RORA: variants seen among roughly 807,000 people sequenced by gnomAD.
The protein encoded by RORA is RAR related orphan receptor A.
RORA carries 7 observed loss-of-function variants against 69.5 expected under a neutral mutation model. The ratio of observed to expected loss-of-function variants is 0.10; its 90% confidence interval spans 0.06 to 0.19. The LOEUF (loss-of-function observed/expected upper bound fraction) is 0.19. Ranked by LOEUF, RORA falls within the 10% of genes least tolerant of loss-of-function variation. The pLI, the probability that RORA is intolerant of heterozygous loss-of-function variation, is 1.00. For missense variants in RORA, 457 were observed against 663.0 expected (o/e 0.69, Z 3.41); for synonymous variants, 261 against 240.8 (o/e 1.08, Z -0.78).
chr15:60,964,965 T>C (rs1028317843), intron 1 of RORA, among the ~76,000 whole-genome samples: 2 of 152,172 alleles, frequency 1.3e-5, no homozygotes, highest in African/African-American at 4.8e-5. Context: ...AATTACGCCA[T>C]ACTAATTATG....
intron 1 of RORA, among the ~76,000 whole-genome samples, chr15:60,825,537 C>G (rs2072944497): frequency 6.6e-6 from 1 of 152,158 alleles, no homozygotes; most frequent in South Asian, 2.1e-4. Context: ...GTCCCAAGGT[C>G]AAGAACCAGA....
At chr15:60,840,584 A>G (rs1191015051) in intron 1 of RORA, among the ~76,000 whole-genome samples, 1 of 152,228 alleles carries the variant, frequency 6.6e-6, no homozygotes, top group African/African-American at 2.4e-5. Flanking sequence ...GAAAAGAATC[A>G]AGAGAGTGAG....
chr15:60,991,543 A>G lies in RORA; in HGVS notation c.166+237510T>C, dbSNP rs112934401. ...AATTCTAAGAGTTTTTGTTAAAAAA[A>G]TGGCTCAAAAGATGAAAAAAGTTTA... On this transcript the variant is annotated intron_variant, in intron 1 of 10. Transcript: ENST00000335670. Among the ~76,000 whole-genome samples the G allele has an allele frequency of 6.6e-3, 871 of 132,086 alleles. 7 individuals carry two copies. Among genetic ancestry groups the G allele is most frequent in the African/African-American group, 0.024 (795 of 33,204 alleles). The allele number at this position is 132,086 out of a possible 152,430, so 86.7% of individuals were successfully genotyped here. A position where few individuals can be genotyped will look rare whatever the true frequency, so the allele number is the denominator to read the frequency against.
intron 1 of RORA, among the ~76,000 whole-genome samples, chr15:61,209,652 T>C (rs12907610): frequency 2.6e-5 from 4 of 152,204 alleles, no homozygotes; most frequent in African/African-American, 4.8e-5. Context: ...ACCCAGTTGA[T>C]GGTGTTTTGT....
At chr15:60,947,180 C>A (rs1452071330) in intron 1 of RORA, among the ~76,000 whole-genome samples, 1 of 152,224 alleles carries the variant, frequency 6.6e-6, no homozygotes, top group Admixed American at 6.5e-5. Context: ...GCCGCCACCC[C>A]GTCTGGGAGG....
At chr15:61,049,010 TCTGAATCATTC>T (rs1897173747) in intron 1 of RORA, among the ~76,000 whole-genome samples, 1 of 152,154 alleles carries the variant, frequency 6.6e-6, no homozygotes, top group Non-Finnish European at 1.5e-5. Context: ...AGGCAGTGGC[TCTGAATCATTC>T]CCCCTTGGAC....
At chr15:61,064,524 T>C (rs867998179) in intron 1 of RORA, among the ~76,000 whole-genome samples, 1 of 152,154 alleles carries the variant, frequency 6.6e-6, no homozygotes, top group Non-Finnish European at 1.5e-5. Flanking sequence ...TCAGGGAGCT[T>C]GTTAAAAATG....
chr15:60,603,020 T>C (rs1000310154), intron 2 of RORA, among the ~76,000 whole-genome samples: 9 of 152,344 alleles, frequency 5.9e-5, no homozygotes, highest in East Asian at 1.9e-4. Context: ...TTCAGTGGAA[T>C]AGTATATTAT....
rs901573363 is a variant in RORA at position 61,098,839 on chromosome 15, G to C, written c.166+130214C>G. On this transcript the variant is annotated intron_variant, in intron 1 of 10. Transcript: ENST00000335670. ...GAATGTCTAAACTTAAAAATAATAA[G>C]TACTGCTTAGGAGCAATCGTTATTT... is the stretch of plus-strand genomic sequence containing the variant. 3.9e-5 allele frequency among the ~76,000 whole-genome samples: 6 copies of C among 152,312 alleles called. 1 individual carries two copies. The South Asian group carries it at 1.0e-3, about 26-fold the overall frequency.
chr15:60,859,645 TTCTTTCTTTC>T (rs1321996356), intron 1 of RORA, among the ~76,000 whole-genome samples: 3 of 85,676 alleles, frequency 3.5e-5, no homozygotes, highest in Non-Finnish European at 7.6e-5. Context: ...CTTTCTTTCT[TTCTTTCTTTC>T]TTTTTTTTTT....
At chr15:61,138,728 G>C (rs1045305948) in intron 1 of RORA, among the ~76,000 whole-genome samples, 3 of 151,656 alleles carry the variant, frequency 2.0e-5, no homozygotes, top group Non-Finnish European at 4.4e-5. Context: ...ATCAAGAGGT[G>C]CTCTGAGGGG....
At chr15:60,517,997 T>C (rs1048414787) in intron 3 of RORA, among the ~76,000 whole-genome samples, 1 of 152,178 alleles carries the variant, frequency 6.6e-6, no homozygotes, top group African/African-American at 2.4e-5. Flanking sequence ...ATATTTCTTC[T>C]CAGAATCCTT....
At chr15:60,771,149 T>C (rs2072067121) in intron 1 of RORA, among the ~76,000 whole-genome samples, 1 of 151,212 alleles carries the variant, frequency 6.6e-6, no homozygotes, top group South Asian at 2.1e-4. Context: ...AGACTGACTC[T>C]CTTTTCTTTC....
At chr15:60,670,785 G>C (rs985159259) in intron 2 of RORA, among the ~76,000 whole-genome samples, 1 of 151,952 alleles carries the variant, frequency 6.6e-6, no homozygotes, top group South Asian at 2.1e-4. Flanking sequence ...AATCCAAAGG[G>C]CCATGTGACT....
rs2065159151 is a variant in RORA at position 60,496,031 on chromosome 15, C to T, written c.*1424G>A. ...GCTAGCATCAACTTCACTTTAAAGG[C>T]TTAAAGTATTTAATATTTAAATAAG... is the stretch of plus-strand genomic sequence containing the variant. On this transcript the variant is annotated 3_prime_UTR_variant, in exon 11 of 11. Transcript: ENST00000335670. This position sits in a 1 kb window ranked among gnomAD's most constrained non-coding sequence, Gnocchi z 4.5. The T allele has an allele frequency of 6.6e-6, 1 of 152,214 alleles. No homozygotes were observed. Among genetic ancestry groups the T allele is most frequent in the East Asian group, 1.9e-4 (1 of 5,180 alleles). The allele number at this position is 152,214 out of a possible 1,614,324, so 9.4% of individuals were successfully genotyped here.
intron 2 of RORA, among the ~76,000 whole-genome samples, chr15:60,591,283 G>C (rs2068497887): frequency 6.6e-6 from 1 of 152,092 alleles, no homozygotes; most frequent in South Asian, 2.1e-4. Flanking sequence ...GGAACCTGCG[G>C]GCGCACAAGC....
intron 2 of RORA, among the ~76,000 whole-genome samples, chr15:60,553,899 C>G (rs761151633): frequency 6.6e-6 from 1 of 152,146 alleles, no homozygotes; most frequent in Non-Finnish European, 1.5e-5. Flanking sequence ...GTTTATTGCC[C>G]TTTGTTAAAA....
At chr15:61,104,331 T>C (rs1209107278) in intron 1 of RORA, among the ~76,000 whole-genome samples, 1 of 152,206 alleles carries the variant, frequency 6.6e-6, no homozygotes, top group African/African-American at 2.4e-5. Context: ...TCAGTTTCCA[T>C]TGAACACAAA....
intron 2 of RORA, among the ~76,000 whole-genome samples, chr15:60,669,349 TTG>T (rs371466564): frequency 0.17 from 25,680 of 149,960 alleles, 2,628 homozygotes; most frequent in Admixed American, 0.35. Context: ...TTTTGTTTGT[TTG>T]TTTGTTTGTT....
Sources: allele counts gnomAD v4.1 joint callset (sites outside exome capture counted in the v4.1 genomes callset), GRCh38; gene constraint gnomAD v4.1.1; non-coding constraint Gnocchi (gnomAD v3.1); transcripts MANE v1.5; gene names NCBI Gene and HGNC (gene_info 2026-07-23, HGNC 2026-07-21).